UNC5D: variants seen among roughly 807,000 people sequenced by gnomAD.
UNC5D encodes netrin receptor UNC5D.
Under a neutral mutation model 105.4 loss-of-function variants are expected in UNC5D, and 39 were observed. The observed-to-expected ratio is 0.37, with a 90% confidence interval of 0.29 to 0.48. The LOEUF (loss-of-function observed/expected upper bound fraction) is 0.48. Ranked by LOEUF, UNC5D falls within the 20% of genes least tolerant of loss-of-function variation. The pLI is 0.98. For missense variants in UNC5D, 991 were observed against 1,202.4 expected (o/e 0.82, Z 2.60); for synonymous variants, 452 against 450.4 (o/e 1.00, Z -0.04).
intron 4 of UNC5D, among the ~76,000 whole-genome samples, chr8:35,605,357 C>T (rs1268526591): frequency 1.3e-5 from 2 of 152,208 alleles, no homozygotes; most frequent in Non-Finnish European, 2.9e-5. Flanking sequence ...TGCAGAACAG[C>T]AGATGTTGGT....
At chr8:35,506,225 G>T (rs760358037) in intron 1 of UNC5D, among the ~76,000 whole-genome samples, 1 of 152,208 alleles carries the variant, frequency 6.6e-6, no homozygotes, top group Non-Finnish European at 1.5e-5. Context: ...ATGGAGGCAA[G>T]ATAGCTGCGG....
intron 1 of UNC5D, among the ~76,000 whole-genome samples, chr8:35,471,872 G>T (rs571205578): frequency 1.3e-5 from 2 of 152,278 alleles, no homozygotes; most frequent in East Asian, 3.9e-4. Context: ...ATTACACTGA[G>T]ATATATTGAT....
intron 4 of UNC5D, among the ~76,000 whole-genome samples, chr8:35,643,583 T>G (rs1257272276): frequency 6.6e-6 from 1 of 152,130 alleles, no homozygotes; most frequent in Non-Finnish European, 1.5e-5. Flanking sequence ...TTCCACCATA[T>G]TAGTCCGGCT....
chr8:35,329,824 G>T (rs939380764), intron 1 of UNC5D, among the ~76,000 whole-genome samples: 1 of 151,904 alleles, frequency 6.6e-6, no homozygotes, highest in Non-Finnish European at 1.5e-5. Context: ...ATTATTATTT[G>T]TTGTTTCTCT....
At chr8:35,447,781 C>T (rs773419097) in intron 1 of UNC5D, among the ~76,000 whole-genome samples, 11 of 151,968 alleles carry the variant, frequency 7.2e-5, no homozygotes, top group Non-Finnish European at 1.6e-4. Context: ...CATCCTCTAC[C>T]CTCATCGAGT....
chr8:35,365,699 G>T (rs1164963354), intron 1 of UNC5D, among the ~76,000 whole-genome samples: 4 of 149,874 alleles, frequency 2.7e-5, no homozygotes, highest in Non-Finnish European at 5.9e-5. Flanking sequence ...AATTTCTGTA[G>T]ATACCAGGTA....
intron 1 of UNC5D, among the ~76,000 whole-genome samples, chr8:35,283,693 A>T (rs1806372139): frequency 6.6e-6 from 1 of 152,088 alleles, no homozygotes; most frequent in Non-Finnish European, 1.5e-5. Flanking sequence ...AATCCCAGCT[A>T]CTTGGGAGGC....
chr8:35,367,858 G>A (rs1478330680), intron 1 of UNC5D, among the ~76,000 whole-genome samples: 1 of 152,106 alleles, frequency 6.6e-6, no homozygotes, highest in African/African-American at 2.4e-5. Context: ...AGAACAAAGA[G>A]GTTGGCCACA....
At chr8:35,429,683 A>G (rs753778237) in intron 1 of UNC5D, among the ~76,000 whole-genome samples, 1 of 152,140 alleles carries the variant, frequency 6.6e-6, no homozygotes, top group Non-Finnish European at 1.5e-5. Flanking sequence ...AACTACATCA[A>G]TTTAAAGAGT....
At chr8:35,586,359 A>G (rs1818792491) in intron 3 of UNC5D, among the ~76,000 whole-genome samples, 1 of 152,208 alleles carries the variant, frequency 6.6e-6, no homozygotes, top group Non-Finnish European at 1.5e-5. Context: ...TAATGTGCCA[A>G]ATACAAAAGA....
chr8:35,509,313 G>C (rs1466984287), intron 1 of UNC5D, among the ~76,000 whole-genome samples: 2 of 151,400 alleles, frequency 1.3e-5, no homozygotes, highest in Non-Finnish European at 2.9e-5. Context: ...AAGTAGTAGA[G>C]ATAAGGGCAA....
intron 1 of UNC5D, among the ~76,000 whole-genome samples, chr8:35,508,928 C>A (rs1297197586): frequency 1.3e-5 from 2 of 152,160 alleles, no homozygotes; most frequent in Non-Finnish European, 2.9e-5. Context: ...ATTTAGTGAG[C>A]ATTTTGTCAA....
chr8:35,454,485 C>A (rs1040069433), intron 1 of UNC5D, among the ~76,000 whole-genome samples: 2 of 152,158 alleles, frequency 1.3e-5, no homozygotes, highest in African/African-American at 4.8e-5. Context: ...TCCTCCTCCT[C>A]TTTCCTGTAT....
intron 1 of UNC5D, among the ~76,000 whole-genome samples, chr8:35,505,169 A>C (rs1400751989): frequency 6.6e-6 from 1 of 152,242 alleles, no homozygotes; most frequent in Non-Finnish European, 1.5e-5. Context: ...CTGTACCCAC[A>C]AAAATCAAAA....
At chr8:35,676,171 A>G (rs1276756862) in intron 4 of UNC5D, among the ~76,000 whole-genome samples, 2 of 152,188 alleles carry the variant, frequency 1.3e-5, no homozygotes, top group African/African-American at 4.8e-5. Flanking sequence ...CTGGCATGAA[A>G]TCTAATTGTC....
At chr8:35,316,789 CTG>C (rs1314733014) in intron 1 of UNC5D, among the ~76,000 whole-genome samples, 1 of 152,100 alleles carries the variant, frequency 6.6e-6, no homozygotes, top group Non-Finnish European at 1.5e-5. Flanking sequence ...AATTTAGAGA[CTG>C]TGGAGTTCAG....
chr8:35,487,545 C>T (rs1210539915), intron 1 of UNC5D, among the ~76,000 whole-genome samples: 1 of 147,748 alleles, frequency 6.8e-6, no homozygotes, highest in Non-Finnish European at 1.5e-5. Context: ...AAATCAATCT[C>T]TCTGTCTCTC....
intron 1 of UNC5D, among the ~76,000 whole-genome samples, chr8:35,432,267 C>G (rs1806695656): frequency 6.6e-6 from 1 of 152,100 alleles, no homozygotes; most frequent in Admixed American, 6.6e-5. Context: ...AGAAAAACCT[C>G]TATTATTGTT....
At chr8:35,245,075 A>G (rs1803008748) in intron 1 of UNC5D, among the ~76,000 whole-genome samples, 1 of 152,178 alleles carries the variant, frequency 6.6e-6, no homozygotes, top group South Asian at 2.1e-4. Context: ...GAAGTATACT[A>G]GCTCCTCAAT....
Sources: gnomAD v4.1 joint callset for allele counts (sites outside exome capture counted in the v4.1 genomes callset) on GRCh38, gnomAD v4.1.1 for gene constraint, MANE v1.5 for transcripts, NCBI Gene and HGNC (gene_info 2026-07-23, HGNC 2026-07-21) for gene names.